LMNA: variants seen among roughly 807,000 people sequenced by gnomAD.
LMNA encodes lamin A/C.
Under a neutral mutation model 70.4 loss-of-function variants are expected in LMNA, and 20 were observed. The ratio of observed to expected loss-of-function variants is 0.28; its 90% CI spans 0.20 to 0.41. The LOEUF (loss-of-function observed/expected upper bound fraction) is 0.41. Ranked by LOEUF, LMNA falls within the 10% of genes least tolerant of loss-of-function variation. LMNA has a pLI of 1.00. For missense variants in LMNA, 652 were observed against 917.2 expected (o/e 0.71, Z 3.73); for synonymous variants, 339 against 372.8 (o/e 0.91, Z 1.04).
Position 156,084,795 on chromosome 1 carries a change from G to A in LMNA, c.-319+1611G>A, listed in dbSNP as rs371983786. Among the ~76,000 whole-genome samples the A allele has an allele frequency of 9.8e-5, 15 of 152,346 alleles. No homozygotes were observed. The East Asian group carries it at 1.3e-3, about 14-fold the overall frequency. ...AGCCTTCCTGTCCCCACTGAAATGA[G>A]ATTCCCCCCAGACTCCCACCCTGAA... On this transcript the variant is annotated intron_variant, in intron 2 of 12. Transcript: ENST00000368301.
At position 156,136,570 on chromosome 1, in the gene LMNA, C is replaced by T. The variant is rs1651658675; in HGVS notation, c.1380+134C>T. 1 of 947,934 alleles carries T rather than the reference C, an allele frequency of 1.1e-6. No individual in the cohort carries two copies. The highest frequency in any genetic ancestry group is 1.6e-6 in the Non-Finnish European group (1 of 611,612). The allele number at this position is 947,934 out of a possible 1,614,324, so 58.7% of individuals were successfully genotyped here. A position where few individuals can be genotyped will look rare whatever the true frequency, so the allele number is the denominator to read the frequency against. On this transcript the variant is annotated intron_variant, in intron 7 of 11. Coordinates refer to ENST00000368300, the MANE Select transcript of LMNA (RefSeq NM_170707.4). The surrounding 1 kb of genome is among the most constrained non-coding windows in gnomAD (Gnocchi z 6.1). The stretch of plus-strand genomic sequence containing the variant: ...CCAGGGTGAGCCTGTATATCTCCTC[C>T]ACACTCTGGTTCCAGGCCTGGCTCC...
chr1:156,134,487 A>T lies in LMNA; in HGVS notation c.598A>T (p.Met200Leu). 1 of 1,614,188 alleles carries T rather than the reference A, an allele frequency of 6.2e-7. No homozygotes were observed. Among genetic ancestry groups the T allele is most frequent in the South Asian group, 1.1e-5 (1 of 91,084 alleles). ...RVDAENRLQTMKEELDFQKNI... is the reference protein window; with the variant it reads ...RVDAENRLQTLKEELDFQKNI... ...GGATGCTGAGAACAGGCTGCAGACC[A>T]TGAAGGAGGAACTGGACTTCCAGAA... The change falls in exon 3 of 12, where the codon ATG (methionine) becomes TTG (leucine). Residue 200 changes from methionine to leucine, a missense_variant. Coordinates refer to ENST00000368300, the MANE Select transcript of LMNA (RefSeq NM_170707.4). The surrounding 1 kb of genome is among the most constrained non-coding windows in gnomAD (Gnocchi z 5.3).
Position 156,137,815 on chromosome 1 carries a change from C to T in LMNA, c.1698+72C>T. ...AGCCAGGCCTGGGGGCAGCCTCTCC[C>T]CAGCCTCCCCGTGCCAAAAATCTTT... On this transcript the variant is annotated intron_variant, in intron 10 of 11. Coordinates refer to ENST00000368300, the MANE Select transcript of LMNA (RefSeq NM_170707.4). The surrounding 1 kb of genome is among the most constrained non-coding windows in gnomAD (Gnocchi z 4.6). 3 of 1,544,740 alleles carry T rather than the reference C, an allele frequency of 1.9e-6. No homozygotes were observed. The highest frequency in any genetic ancestry group is 2.6e-6 in the Non-Finnish European group (3 of 1,145,836).
intron 2 of LMNA, among the ~76,000 whole-genome samples, chr1:156,087,938 C>G (rs1294053067): frequency 6.6e-6 from 1 of 151,400 alleles, no homozygotes; most frequent in Non-Finnish European, 1.5e-5. Flanking sequence ...GTGGCACCAT[C>G]TCAGCTCACT....
chr1:156,128,478 C>G (rs1352358540), intron 1 of LMNA, among the ~76,000 whole-genome samples: 1 of 152,194 alleles, frequency 6.6e-6, no homozygotes, highest in Non-Finnish European at 1.5e-5. Flanking sequence ...CCTTGAGACA[C>G]CTTCTGAAAT....
chr1:156,134,550 C>A lies in LMNA; in HGVS notation c.639+22C>A, dbSNP rs1448680112. 4 of 1,613,284 alleles carry A rather than the reference C, an allele frequency of 2.5e-6. No individual in the cohort carries two copies. Among genetic ancestry groups the A allele is most frequent in the Non-Finnish European group, 3.4e-6 (4 of 1,179,996 alleles). On this transcript the variant is annotated intron_variant, in intron 3 of 11. Transcript: ENST00000368300. This position sits in a 1 kb window ranked among gnomAD's most constrained non-coding sequence, Gnocchi z 5.3. The stretch of plus-strand genomic sequence containing the variant: ...TGAGGTGGGGACTGTGCTTTGCAAG[C>A]CAGAGGGCTGGGGCTGGGTGATGAC...
chr1:156,109,798 A>ATGTGTGTGTGTGTGTGTG (rs57284200), upstream of LMNA: 2 of 85,492 alleles, frequency 2.3e-5, no homozygotes, highest in Admixed American at 1.1e-4. Context: ...GCATGTATGT[A>ATGTGTGTGTGTGTGTGTG]TGTGTGTGTG....
chr1:156,087,067 C>G (rs1036073977), intron 2 of LMNA, among the ~76,000 whole-genome samples: 1 of 152,140 alleles, frequency 6.6e-6, no homozygotes, highest in African/African-American at 2.4e-5. Flanking sequence ...TCTCAGAACC[C>G]TGAGGGAGGG....
Position 156,138,292 on chromosome 1 carries a change from T to C in LMNA, c.1699-196T>C. ...CTCTGTCCCCAAGTCTTCCTGAGCC[T>C]TCTCCCCTTTTATGTCTTCCCTCTC... On this transcript the variant is annotated intron_variant, in intron 10 of 11. Coordinates refer to ENST00000368300, the MANE Select transcript of LMNA (RefSeq NM_170707.4). The surrounding 1 kb of genome is among the most constrained non-coding windows in gnomAD (Gnocchi z 5.5). 1 of 613,292 alleles carries C rather than the reference T, an allele frequency of 1.6e-6. No homozygotes were observed. The highest frequency in any genetic ancestry group is 2.9e-6 in the Non-Finnish European group (1 of 347,892). The allele number at this position is 613,292 out of a possible 1,614,324, so 38.0% of individuals were successfully genotyped here.
chr1:156,097,557 A>G (rs1474949227), intron 3 of LMNA, among the ~76,000 whole-genome samples: 1 of 152,256 alleles, frequency 6.6e-6, no homozygotes, highest in Non-Finnish European at 1.5e-5. Context: ...AGCCTGGCCC[A>G]CGGTGCCATG....
At chr1:156,114,634 T>A (rs2102815759), upstream of LMNA, 8 of 203,826 alleles carry the variant, frequency 3.9e-5, no homozygotes, top group East Asian at 1.4e-4. Flanking sequence ...GATCTGGGAC[T>A]GCCCCTTTAA....
At position 156,139,460 on chromosome 1, in the gene LMNA, G is replaced by A; in HGVS notation, c.*354G>A. On this transcript the variant is annotated 3_prime_UTR_variant, in exon 12 of 12. Coordinates refer to ENST00000368300, the MANE Select transcript of LMNA (RefSeq NM_170707.4). Reference sequence around the variant, plus strand: ...GGTGCTTTTATAGAGGCTAGCTTCTGCTTTTCTGCCCTGGCTGCTGCCCCC... The same window carrying A: ...GGTGCTTTTATAGAGGCTAGCTTCTACTTTTCTGCCCTGGCTGCTGCCCCC... 7.5e-7 allele frequency: 1 copy of A among 1,337,916 alleles called. No individual in the cohort carries two copies. The highest frequency in any genetic ancestry group is 1.7e-5 in the South Asian group (1 of 59,658). The allele number at this position is 1,337,916 out of a possible 1,614,324, so 82.9% of individuals were successfully genotyped here.
intron 3 of LMNA, among the ~76,000 whole-genome samples, chr1:156,107,353 C>G (rs1310197253): frequency 6.6e-6 from 1 of 152,200 alleles, no homozygotes; most frequent in African/African-American, 2.4e-5. Context: ...AGTGTGGCTG[C>G]CCTGTCTCCC....
At chr1:156,112,942 C>T (rs1017829110), upstream of LMNA, among the ~76,000 whole-genome samples, 11 of 152,180 alleles carry the variant, frequency 7.2e-5, no homozygotes, top group Admixed American at 4.6e-4. Flanking sequence ...CTGTGGGAGG[C>T]AGTTGGGCAG....
chr1:156,122,850 G>T (rs1395083885), intron 1 of LMNA, among the ~76,000 whole-genome samples: 5 of 152,206 alleles, frequency 3.3e-5, no homozygotes, highest in African/African-American at 1.2e-4. Flanking sequence ...CCAACCTGCG[G>T]CTGGGCTGGG....
chr1:156,085,899 T>C (rs1318582145), intron 2 of LMNA, among the ~76,000 whole-genome samples: 1 of 151,958 alleles, frequency 6.6e-6, no homozygotes, highest in African/African-American at 2.4e-5. Context: ...CTACTAAAAA[T>C]ACAAAAATTA....
intron 3 of LMNA, among the ~76,000 whole-genome samples, chr1:156,094,604 C>T (rs996324593): frequency 6.6e-6 from 1 of 152,196 alleles, no homozygotes; most frequent in Non-Finnish European, 1.5e-5. Context: ...CCACCTTGGC[C>T]TCCCAAAGTG....
rs1026599240 is a variant in LMNA, at chr1:156,134,417, A to G, written c.528A>G (p.Leu176=). The change falls in exon 3 of 12, where the codon CTA becomes CTG. Residue 176 remains leucine (L), a synonymous_variant. Coordinates refer to ENST00000368300, the MANE Select transcript of LMNA (RefSeq NM_170707.4). This position sits in a 1 kb window ranked among gnomAD's most constrained non-coding sequence, Gnocchi z 5.3. ...RGQVAKLEAA[L]GEAKKQLQDE... ...CTTCCTCACAGCTTGAGGCAGCCCT[A>G]GGTGAGGCCAAGAAGCAACTTCAGG... is the stretch of plus-strand genomic sequence containing the variant. 1.9e-6 allele frequency: 3 copies of G among 1,614,072 alleles called. No individual in the cohort carries two copies. The highest frequency in any genetic ancestry group is 2.5e-6 in the Non-Finnish European group (3 of 1,180,006).
chr1:156,132,742 C>A (rs1651177648), intron 2 of LMNA, among the ~76,000 whole-genome samples: 1 of 152,036 alleles, frequency 6.6e-6, no homozygotes, highest in Admixed American at 6.5e-5. Flanking sequence ...CAGTTGTACC[C>A]TTCCCCCAGC....
Sources: gnomAD v4.1 joint callset for allele counts (sites outside exome capture counted in the v4.1 genomes callset) on GRCh38, gnomAD v4.1.1 for gene constraint, Gnocchi (gnomAD v3.1) non-coding constraint, MANE v1.5 for transcripts, NCBI Gene and HGNC (gene_info 2026-07-23, HGNC 2026-07-21) for gene names.